PAX8: variants seen among roughly 807,000 people sequenced by gnomAD.
PAX8 encodes the protein paired box 8.
A neutral mutation model predicts 52.4 loss-of-function variants in PAX8; 15 were observed. That is an observed-to-expected ratio of 0.29 (90% confidence interval 0.19 to 0.44). The LOEUF is 0.44. Ranked by LOEUF, PAX8 falls within the 20% of genes least tolerant of loss-of-function variation. The probability of loss-of-function intolerance (pLI) is 1.00; values close to 1 mark genes in which losing one functional copy is unlikely to be tolerated. For missense variants in PAX8, 554 were observed against 602.5 expected, an observed-to-expected ratio of 0.92 and a Z score of 0.84; for synonymous variants, 284 against 249.7, an observed-to-expected ratio of 1.14 and a Z score of -1.29.
intron 9 of PAX8, among the ~76,000 whole-genome samples, chr2:113,234,769 C>T (rs143690577): frequency 0.013 from 1,930 of 152,300 alleles, 19 homozygotes; most frequent in Non-Finnish European, 0.021. Flanking sequence ...CCACCTGCCT[C>T]GGCCTCCCAA....
chr2:113,243,267 CT>C (rs1416893694), intron 4 of PAX8, among the ~76,000 whole-genome samples: 1 of 152,206 alleles, frequency 6.6e-6, no homozygotes, highest in African/African-American at 2.4e-5. Context: ...TTTCCCATTG[CT>C]TTATGACCAA....
Position 113,241,675 on chromosome 2 carries a change from C to G in PAX8, c.653G>C (p.Gly218Ala). ...ATCCGTGCGAAGGTGCTTTCGGGGT[C>G]CGCTGCTGCTGCTCTGTGAGTCAAT... is the stretch of plus-strand genomic sequence containing the variant. ...LSIDSQSSSS[G>A]PRKHLRTDAF... The change falls in exon 7 of 12, where the codon GGA (glycine) becomes GCA (alanine). Residue 218 changes from glycine to alanine, a missense_variant. Gly to Ala is a moderately conservative substitution (Grantham distance 60). Coordinates refer to ENST00000429538, the MANE Select transcript of PAX8 (RefSeq NM_003466.4). 6.2e-7 allele frequency: 1 copy of G among 1,614,144 alleles called. No individual in the cohort carries two copies. Among genetic ancestry groups the G allele is most frequent in the East Asian group, 2.2e-5 (1 of 44,878 alleles).
At position 113,217,318 on chromosome 2, in the gene PAX8, A is replaced by G. The variant is rs1689060852; in HGVS notation, c.*1215T>C. The G allele has an allele frequency of 4.4e-6, 1 of 226,818 alleles. No homozygotes were observed. Among genetic ancestry groups the G allele is most frequent in the East Asian group, 6.3e-5 (1 of 15,754 alleles). The allele number at this position is 226,818 out of a possible 1,614,324, so 14.1% of individuals were successfully genotyped here. ...CTCTGATGTTCTTGGGAGAAAGCCC[A>G]GCCCCGGGATGCCTCCTTCCCCAGC... On this transcript the variant is annotated 3_prime_UTR_variant, in exon 12 of 12. Transcript: ENST00000429538.
chr2:113,221,630 A>T (rs1689277922), intron 10 of PAX8, among the ~76,000 whole-genome samples: 1 of 152,248 alleles, frequency 6.6e-6, no homozygotes, highest in African/African-American at 2.4e-5. Flanking sequence ...GGGAGTGCTC[A>T]ATAAATCTAA....
chr2:113,241,654 G>T lies in PAX8; in HGVS notation c.674C>A (p.Thr225Lys), dbSNP rs775083174. 6.2e-7 allele frequency: 1 copy of T among 1,614,122 alleles called. No homozygotes were observed. Among genetic ancestry groups the T allele is most frequent in the African/African-American group, 1.3e-5 (1 of 75,042 alleles). The change falls in exon 7 of 12, where the codon ACG (threonine) becomes AAG (lysine). Residue 225 changes from threonine (T) to lysine (K), a missense_variant. Around this residue, in one of 2 missense-constraint regions of PAX8, gnomAD observed 445 missense variants for 409.9 expected, o/e 1.09. Transcript: ENST00000429538. Reference protein sequence around the residue: ...SSSGPRKHLRTDAFSQHHLEP... With the variant: ...SSSGPRKHLRKDAFSQHHLEP... ...GAGGTGGTGCTGGCTGAAGGCATCC[G>T]TGCGAAGGTGCTTTCGGGGTCCGCT...
At chr2:113,237,002 G>A (rs943352624) in intron 7 of PAX8, 4 of 483,206 alleles carry the variant, frequency 8.3e-6, no homozygotes, top group African/African-American at 5.8e-5. Flanking sequence ...ATGGCTGGTC[G>A]GCTTCCTGGT....
At chr2:113,272,249 A>T (rs1470959965) in intron 2 of PAX8, 1 of 152,216 alleles carries the variant, frequency 6.6e-6, no homozygotes, top group African/African-American at 2.4e-5. Context: ...GACCCCCACC[A>T]GCCAAGCAAG....
chr2:113,234,864 G>C (rs968751698), intron 9 of PAX8, among the ~76,000 whole-genome samples: 1 of 152,156 alleles, frequency 6.6e-6, no homozygotes, highest in Non-Finnish European at 1.5e-5. Context: ...GTTCCTGATG[G>C]GAGGTCCCCC....
intron 2 of PAX8, chr2:113,270,668 G>C (rs1693406730): frequency 6.6e-6 from 1 of 152,176 alleles, no homozygotes; most frequent in Non-Finnish European, 1.5e-5. Flanking sequence ...ACCGATGACA[G>C]CAGATTAAGC....
chr2:113,220,240 G>A, intron 10 of PAX8, 62 bp from the exon 11 acceptor site: 6 of 1,331,194 alleles, frequency 4.5e-6, no homozygotes, highest in Admixed American at 1.7e-5. Context: ...GGGCTGGGGT[G>A]TGGGAAGGTC....
rs990876801 is a variant in PAX8, at chr2:113,217,530, A to C, written c.*1003T>G. The C allele has an allele frequency of 4.3e-6, 1 of 230,390 alleles. No homozygotes were observed. Among genetic ancestry groups the C allele is most frequent in the African/African-American group, 2.2e-5 (1 of 45,118 alleles). 14.3% of individuals were successfully genotyped at this position (230,390 alleles called of 1,614,324 possible). ...TTGACCCAAACAAAGTTTCATTTACAGTATATACAGTCAGGCCTTGGGGGC... is the reference window on the plus strand; with the variant it reads ...TTGACCCAAACAAAGTTTCATTTACCGTATATACAGTCAGGCCTTGGGGGC... On this transcript the variant is annotated 3_prime_UTR_variant, in exon 12 of 12. Transcript: ENST00000429538.
At chr2:113,243,593 T>G (rs902908530) in intron 4 of PAX8, among the ~76,000 whole-genome samples, 1 of 152,204 alleles carries the variant, frequency 6.6e-6, no homozygotes, top group Admixed American at 6.5e-5. Context: ...GGTTTCACCA[T>G]GTTGGCCAGG....
chr2:113,234,567 C>A (rs772320838), intron 9 of PAX8, among the ~76,000 whole-genome samples: 3 of 152,206 alleles, frequency 2.0e-5, no homozygotes, highest in Non-Finnish European at 4.4e-5. Context: ...GTCACCCAGG[C>A]TGGAGTGCCA....
intron 2 of PAX8, chr2:113,272,530 C>G (rs920590816): frequency 6.6e-6 from 1 of 152,184 alleles, no homozygotes; most frequent in African/African-American, 2.4e-5. Flanking sequence ...CCTACTCCAC[C>G]TCACTGCAGA....
chr2:113,223,497 T>A (rs1343730495), intron 10 of PAX8, among the ~76,000 whole-genome samples: 1 of 152,212 alleles, frequency 6.6e-6, no homozygotes, highest in Non-Finnish European at 1.5e-5. Context: ...AGAGTAGCCT[T>A]TTAAAACTCG....
chr2:113,226,657 A>ATCATCG (rs1173960252), intron 10 of PAX8: 12 of 1,092,838 alleles, frequency 1.1e-5, no homozygotes, highest in Non-Finnish European at 1.3e-5. Context: ...TTTCATCATC[A>ATCATCG]TCATCGTCAT....
chr2:113,267,488 A>G (rs1205082493), intron 2 of PAX8: 1 of 152,236 alleles, frequency 6.6e-6, no homozygotes, highest in East Asian at 1.9e-4. Flanking sequence ...GGAGGGGCTC[A>G]TGGTTGGACA....
intron 2 of PAX8, among the ~76,000 whole-genome samples, chr2:113,264,203 G>GT (rs1282374684): frequency 6.6e-6 from 1 of 152,174 alleles, no homozygotes; most frequent in Admixed American, 6.5e-5. Context: ...GCTTGCCAGT[G>GT]TTTTTTACTC....
intron 3 of PAX8, 136 bp from the exon 4 acceptor site, chr2:113,244,760 C>T (rs1288384829): frequency 1.2e-6 from 1 of 807,940 alleles, no homozygotes; most frequent in Non-Finnish European, 2.1e-6. Context: ...CAAGGCTGGT[C>T]TCAAACGCTT....
Sources: allele counts gnomAD v4.1 joint callset (sites outside exome capture counted in the v4.1 genomes callset), GRCh38; gene constraint gnomAD v4.1.1; regional missense constraint gnomAD v4.1.1; transcripts MANE v1.5; gene names NCBI Gene and HGNC (gene_info 2026-07-23, HGNC 2026-07-21).